Variants in SNRPN observed in about 807,000 individuals in gnomAD.
SNRPN encodes the protein small nuclear ribonucleoprotein-associated protein N.
SNRPN carries 7 observed loss-of-function variants against 25.2 expected under a neutral mutation model. The ratio of observed to expected loss-of-function variants is 0.28; its 90% CI spans 0.16 to 0.52. SNRPN has a LOEUF of 0.52. Among genes scored for constraint, SNRPN ranks in the 20% least tolerant of loss-of-function variants. The pLI is 0.96. For synonymous variants in SNRPN, 124 were observed against 110.6 expected (o/e 1.12, Z -0.76); for missense variants, 196 against 322.5 (o/e 0.61, Z 3.00).
At chr15:24,875,438 A>G (rs111863725) in intron 1 of SNRPN, among the ~76,000 whole-genome samples, 2 of 152,198 alleles carry the variant, frequency 1.3e-5, no homozygotes, top group African/African-American at 4.8e-5. Flanking sequence ...CTCAATTTCA[A>G]TCTAAATGCT....
At chr15:24,944,745 A>T (rs746873605) in intron 3 of SNRPN, among the ~76,000 whole-genome samples, 5 of 152,152 alleles carry the variant, frequency 3.3e-5, no homozygotes, top group African/African-American at 4.8e-5. Flanking sequence ...AACTAACAGG[A>T]TGTGTATAGT....
chr15:24,824,720 C>T (rs1375224848), intron 1 of SNRPN, among the ~76,000 whole-genome samples: 1 of 151,968 alleles, frequency 6.6e-6, no homozygotes, highest in Non-Finnish European at 1.5e-5. Flanking sequence ...CCATTAATGT[C>T]CATTGTTTTA....
chr15:24,828,479 G>A (rs757594347), intron 1 of SNRPN, among the ~76,000 whole-genome samples: 15 of 152,018 alleles, frequency 9.9e-5, no homozygotes, highest in South Asian at 2.1e-4. Flanking sequence ...CCCGGGAGGC[G>A]GAGCTTGCTG....
upstream of SNRPN, among the ~76,000 whole-genome samples, chr15:24,855,631 A>C (rs1426740434): frequency 2.6e-5 from 4 of 151,984 alleles, no homozygotes; most frequent in Non-Finnish European, 5.9e-5. Flanking sequence ...CTCTACTAAA[A>C]ATACAAAAAA....
chr15:24,893,206 T>C (rs577092517), intron 2 of SNRPN, among the ~76,000 whole-genome samples: 21 of 144,926 alleles, frequency 1.4e-4, no homozygotes, highest in African/African-American at 5.7e-4. Context: ...AGACTCTGTC[T>C]CAAAACAAAC....
intron 1 of SNRPN, among the ~76,000 whole-genome samples, chr15:24,883,050 A>G (rs763546917): frequency 2.0e-5 from 3 of 152,108 alleles, no homozygotes; most frequent in Non-Finnish European, 2.9e-5. Context: ...GGTTGTGTGA[A>G]TTCTCAAAGT....
chr15:24,918,728 A>G lies in SNRPN; in HGVS notation c.-504-1283A>G, dbSNP rs1472868008. On this transcript the variant is annotated intron_variant, in intron 2 of 11. Coordinates refer to the SNRPN transcript ENST00000400097. ...TGTGCATATATATAACATAATATAT[A>G]TGTGTGCATATATATAACATAATAT... Among the ~76,000 whole-genome samples the G allele has an allele frequency of 7.2e-4, 74 of 102,730 alleles. 1 individual carries two copies. Among genetic ancestry groups the G allele is most frequent in the Admixed American group, 1.4e-3 (11 of 7,660 alleles). 67.4% of individuals were successfully genotyped at this position (102,730 alleles called of 152,430 possible).
intron 1 of SNRPN, among the ~76,000 whole-genome samples, chr15:24,866,825 T>C (rs1027788077): frequency 6.6e-6 from 1 of 152,184 alleles, no homozygotes; most frequent in Non-Finnish European, 1.5e-5. Context: ...GTTAACATAA[T>C]GTACTCCAGG....
upstream of SNRPN, among the ~76,000 whole-genome samples, chr15:24,951,429 T>A (rs1566944563): frequency 6.6e-6 from 1 of 152,216 alleles, no homozygotes; most frequent in Non-Finnish European, 1.5e-5. Context: ...CATGTGCTTA[T>A]TGGCCATTGG....
intron 1 of SNRPN, among the ~76,000 whole-genome samples, chr15:24,864,503 C>T (rs902710263): frequency 1.3e-5 from 2 of 151,620 alleles, no homozygotes; most frequent in East Asian, 1.9e-4. Flanking sequence ...GCCACCACGC[C>T]CAGCTAATTT....
chr15:24,902,402 A>T (rs542888479), intron 2 of SNRPN, among the ~76,000 whole-genome samples: 28 of 152,240 alleles, frequency 1.8e-4, no homozygotes, highest in African/African-American at 4.8e-4. Flanking sequence ...AACTTAAAAA[A>T]ATATATATCA....
At chr15:24,857,191 G>C (rs554212916) in intron 1 of SNRPN, among the ~76,000 whole-genome samples, 123 of 149,246 alleles carry the variant, frequency 8.2e-4, no homozygotes, top group Non-Finnish European at 1.5e-3. Context: ...ACAGAACATT[G>C]CGACTCCCAT....
intron 7 of SNRPN, 88 bp downstream of exon 7, chr15:24,977,117 C>A: frequency 1.9e-6 from 2 of 1,062,190 alleles, no homozygotes; most frequent in South Asian, 1.9e-5. Flanking sequence ...GTGTATGTGT[C>A]ATACAATGTA....
intron 2 of SNRPN, among the ~76,000 whole-genome samples, chr15:24,904,942 CA>C (rs33929037): frequency 0.43 from 37,953 of 88,166 alleles, 5,852 homozygotes; most frequent in Non-Finnish European, 0.46. Context: ...GACTCCGTCT[CA>C]AAAAAAAAAA....
chr15:24,918,906 CACATATATATAACATAATATATATAT>C (rs1240599931), intron 2 of SNRPN, among the ~76,000 whole-genome samples: 1 of 83,410 alleles, frequency 1.2e-5, no homozygotes, highest in African/African-American at 4.5e-5. Flanking sequence ...TATATATGTG[CACATATATATAACATAATATATATAT>C]GCGCACATAT....
chr15:24,890,529 A>C (rs1270736111), intron 2 of SNRPN, among the ~76,000 whole-genome samples: 5 of 151,878 alleles, frequency 3.3e-5, no homozygotes, highest in Non-Finnish European at 7.4e-5. Context: ...ACAAAAAACA[A>C]CTAGCTGGGT....
At chr15:24,954,260 A>G (rs1393766677), upstream of SNRPN, among the ~76,000 whole-genome samples, 1 of 152,180 alleles carries the variant, frequency 6.6e-6, no homozygotes, top group East Asian at 1.9e-4. Flanking sequence ...GATTATTGGT[A>G]AAAATTTTAA....
At position 24,933,098 on chromosome 15, in the gene SNRPN, C is replaced by CA. The variant is rs557796918; in HGVS notation, c.-391+12980dup. Among the ~76,000 whole-genome samples, 256 of 152,116 alleles carry CA rather than the reference C, an allele frequency of 1.7e-3. 1 individual carries two copies. The highest frequency in any genetic ancestry group is 5.7e-3 in the African/African-American group (238 of 41,528). ...GCAACACAGGGAGACCTCTTCTCTA[C>CA]AAAAAATAAAATTAGCCGGGCTTGG... On this transcript the variant is annotated intron_variant, in intron 3 of 11. Transcript: ENST00000400097.
At chr15:24,919,006 T>G in intron 2 of SNRPN, among the ~76,000 whole-genome samples, 1 of 137,966 alleles carries the variant, frequency 7.2e-6, no homozygotes, top group Non-Finnish European at 1.6e-5. Flanking sequence ...CATATATATA[T>G]AACATAATAT....
Sources: gnomAD v4.1 joint callset for allele counts (sites outside exome capture counted in the v4.1 genomes callset) on GRCh38, gnomAD v4.1.1 for gene constraint, MANE v1.5 for transcripts, NCBI Gene and HGNC (gene_info 2026-07-23, HGNC 2026-07-21) for gene names.